Variants in PDE11A observed in about 807,000 individuals in gnomAD.
The protein encoded by PDE11A is phosphodiesterase 11A, also known as dual 3',5'-cyclic-AMP and -GMP phosphodiesterase 11A.
PDE11A carries 100 observed loss-of-function variants against 100.5 expected under a neutral mutation model. The ratio of observed to expected loss-of-function variants is 1.00; its 90% confidence interval spans 0.85 to 1.18. PDE11A has a LOEUF of 1.18. PDE11A is among the 50% of genes most tolerant of loss of function. PDE11A has a pLI of 0.00. For synonymous variants in PDE11A, 381 were observed against 420.8 expected, an observed-to-expected ratio of 0.91 and a Z score of 1.16; for missense variants, 1,141 against 1,152.6, an observed-to-expected ratio of 0.99 and a Z score of 0.15.
intron 5 of PDE11A, among the ~76,000 whole-genome samples, chr2:177,872,396 T>G (rs1040957933): frequency 6.6e-6 from 1 of 152,132 alleles, no homozygotes; most frequent in Non-Finnish European, 1.5e-5. Flanking sequence ...TGGAGGGAGA[T>G]GGATTGAATC....
intron 14 of PDE11A, among the ~76,000 whole-genome samples, chr2:177,699,736 C>T (rs2081169706): frequency 6.6e-6 from 1 of 152,222 alleles, no homozygotes; most frequent in African/African-American, 2.4e-5. Flanking sequence ...ATAGCACCTG[C>T]ATTTCTGCCT....
chr2:177,760,740 T>C (rs2082156710), intron 10 of PDE11A, among the ~76,000 whole-genome samples: 1 of 152,196 alleles, frequency 6.6e-6, no homozygotes, highest in South Asian at 2.1e-4. Context: ...GTCCATGGTC[T>C]TACAAAGACT....
chr2:177,707,027 T>C (rs779384534), intron 13 of PDE11A, among the ~76,000 whole-genome samples: 24 of 152,296 alleles, frequency 1.6e-4, no homozygotes, highest in South Asian at 2.1e-4. Flanking sequence ...CTCACATATC[T>C]GGAAAGGCAG....
At chr2:178,075,240 A>G (rs2087192783), upstream of PDE11A, among the ~76,000 whole-genome samples, 1 of 152,052 alleles carries the variant, frequency 6.6e-6, no homozygotes, top group African/African-American at 2.4e-5. Flanking sequence ...CCTTGAGGGG[A>G]GCAATGACAG....
chr2:178,018,369 T>TTTGGCACACTTAACTTTAAC (rs1553501010), intron 1 of PDE11A: 12 of 372,478 alleles, frequency 3.2e-5, no homozygotes, highest in Non-Finnish European at 5.4e-5. Flanking sequence ...AGGCAGGCCT[T>TTTGGCACACTTAACTTTAAC]TTGGCACACT....
At chr2:177,644,143 G>A (rs2080185833) in intron 19 of PDE11A, among the ~76,000 whole-genome samples, 1 of 152,234 alleles carries the variant, frequency 6.6e-6, no homozygotes, top group South Asian at 2.1e-4. Context: ...GGAGCTGTGA[G>A]AAGATGGCCA....
chr2:178,073,156 G>A (rs1280710099), upstream of PDE11A: 1 of 742,068 alleles, frequency 1.3e-6, no homozygotes, highest in African/African-American at 1.9e-5. Context: ...ACACAGAAGC[G>A]GACTCCGAGG....
intron 2 of PDE11A, among the ~76,000 whole-genome samples, chr2:177,917,865 T>A (rs950854982): frequency 2.6e-5 from 4 of 152,230 alleles, no homozygotes; most frequent in African/African-American, 9.6e-5. Context: ...TACTATTTTT[T>A]AATTTCCAGT....
chr2:177,774,095 CTGTACCTCTTTCA>C (rs1352067497), intron 9 of PDE11A, among the ~76,000 whole-genome samples: 2 of 152,182 alleles, frequency 1.3e-5, no homozygotes, highest in Non-Finnish European at 2.9e-5. Flanking sequence ...CCAGTAATAT[CTGTACCTCTTTCA>C]TGTATTGTAT....
rs2081648552 is a variant in PDE11A, at chr2:177,729,336, C to T, written c.1789-1164G>A. Among the ~76,000 whole-genome samples, 5 of 146,220 alleles carry T rather than the reference C, an allele frequency of 3.4e-5. No homozygotes were observed. The South Asian group carries it at 6.6e-4, about 19-fold the overall frequency. On this transcript the variant is annotated intron_variant, in intron 10 of 19. Transcript: ENST00000286063. Reference sequence around the variant, plus strand: ...CGAATAAATCACTCCTGGAACTTCCCGCATTTCTCCAGTCTAGACCAACTA... The same window carrying T: ...CGAATAAATCACTCCTGGAACTTCCTGCATTTCTCCAGTCTAGACCAACTA...
intron 1 of PDE11A, among the ~76,000 whole-genome samples, chr2:178,062,405 A>G (rs2086984244): frequency 6.6e-6 from 1 of 152,032 alleles, no homozygotes; most frequent in East Asian, 1.9e-4. Context: ...CCTCTCACTT[A>G]GTGGTTCTCT....
intron 9 of PDE11A, among the ~76,000 whole-genome samples, chr2:177,772,419 A>G (rs1450330938): frequency 1.3e-5 from 2 of 152,252 alleles, no homozygotes; most frequent in East Asian, 3.9e-4. Context: ...CCAAATAAAT[A>G]TTTGGCTGGA....
intron 2 of PDE11A, among the ~76,000 whole-genome samples, chr2:177,941,446 A>G (rs1313179884): frequency 6.6e-6 from 1 of 152,044 alleles, no homozygotes; most frequent in Non-Finnish European, 1.5e-5. Flanking sequence ...TTTTTCCTGG[A>G]TTGATTCAGG....
At chr2:178,074,167 GA>G (rs1316644755), upstream of PDE11A, among the ~76,000 whole-genome samples, 1 of 151,950 alleles carries the variant, frequency 6.6e-6, no homozygotes, top group Non-Finnish European at 1.5e-5. Flanking sequence ...GAAATGTCCA[GA>G]ATAGGCAAAT....
intron 2 of PDE11A, among the ~76,000 whole-genome samples, chr2:177,956,176 T>C (rs1234197010): frequency 6.6e-6 from 1 of 152,068 alleles, no homozygotes; most frequent in African/African-American, 2.4e-5. Context: ...AAAGGGCTAA[T>C]ATCCAGAATC....
At chr2:177,785,743 A>C (rs879044099) in intron 9 of PDE11A, among the ~76,000 whole-genome samples, 1 of 151,474 alleles carries the variant, frequency 6.6e-6, no homozygotes, top group African/African-American at 2.4e-5. Flanking sequence ...TATCCCACAC[A>C]TGGCTCGGAG....
At position 177,909,314 on chromosome 2, in the gene PDE11A, A is replaced by T. The variant is rs535686146; in HGVS notation, c.1072-4127T>A. Among the ~76,000 whole-genome samples, 8 of 152,316 alleles carry T rather than the reference A, an allele frequency of 5.3e-5. No individual in the cohort carries two copies. In the South Asian group the frequency reaches 1.7e-3, roughly 32 times the overall value. ...AATTTTTCAAGTTAATGCTCCTATA[A>T]CAGCATCCAAACAAAAGCAAATGGC... On this transcript the variant is annotated intron_variant, in intron 2 of 19. Coordinates refer to ENST00000286063, the MANE Select transcript of PDE11A (RefSeq NM_016953.4).
intron 10 of PDE11A, among the ~76,000 whole-genome samples, chr2:177,752,976 A>G (rs1196076917): frequency 6.6e-6 from 1 of 152,236 alleles, no homozygotes; most frequent in Admixed American, 6.5e-5. Context: ...CTGGAAAAGC[A>G]AAAAGCACCT....
At chr2:177,865,804 T>C (rs1558980944) in intron 5 of PDE11A, among the ~76,000 whole-genome samples, 1 of 152,040 alleles carries the variant, frequency 6.6e-6, no homozygotes, top group Non-Finnish European at 1.5e-5. Context: ...AATAGACAAA[T>C]CCATTGAGGC....
Sources: allele counts gnomAD v4.1 joint callset (sites outside exome capture counted in the v4.1 genomes callset), GRCh38; gene constraint gnomAD v4.1.1; transcripts MANE v1.5; gene names NCBI Gene and HGNC (gene_info 2026-07-23, HGNC 2026-07-21).